TNS3: variants seen among roughly 807,000 people sequenced by gnomAD.
The protein encoded by TNS3 is tensin 3.
In TNS3, 45 loss-of-function variants were observed where a neutral mutation model predicts 140.9. That is an observed-to-expected ratio of 0.32 (90% CI 0.25 to 0.41). The LOEUF is 0.41. Ranked by LOEUF, TNS3 falls within the 10% of genes least tolerant of loss-of-function variation. TNS3 has a pLI of 1.00. For missense variants in TNS3, 1,716 were observed against 1,906.7 expected, an observed-to-expected ratio of 0.90 and a Z score of 1.86; for synonymous variants, 815 against 788.4, an observed-to-expected ratio of 1.03 and a Z score of -0.56.
At chr7:47,540,507 A>G (rs772046655) in intron 1 of TNS3, among the ~76,000 whole-genome samples, 1 of 152,192 alleles carries the variant, frequency 6.6e-6, no homozygotes, top group African/African-American at 2.4e-5. Flanking sequence ...GGCTGCTCCT[A>G]TGAGTCCATT....
At chr7:47,561,644 A>C (rs2151998983) in intron 1 of TNS3, among the ~76,000 whole-genome samples, 1 of 152,292 alleles carries the variant, frequency 6.6e-6, no homozygotes. Flanking sequence ...TTAAAATAAA[A>C]TTTGCTGAAT....
intron 4 of TNS3, among the ~76,000 whole-genome samples, chr7:47,442,283 T>C (rs1631084): frequency 0.83 from 126,698 of 152,200 alleles, 53,050 homozygotes; most frequent in Admixed American, 0.9. Flanking sequence ...GGACGGGCTT[T>C]CACAGGAGCC....
Position 47,277,633 on chromosome 7 carries a change from G to A in TNS3, c.*443C>T, listed in dbSNP as rs931065145. ...CGAGGTGAGGGAAACCCCCGGCCTC[G>A]GGTGCAGCTGGACAGAAGCGCCCAT... is the stretch of plus-strand genomic sequence containing the variant. On this transcript the variant is annotated 3_prime_UTR_variant, in exon 31 of 31. Transcript: ENST00000311160. 4 of 233,336 alleles carry A rather than the reference G, an allele frequency of 1.7e-5. No individual in the cohort carries two copies. Among genetic ancestry groups the A allele is most frequent in the East Asian group, 1.3e-4 (1 of 7,870 alleles). 14.5% of individuals were successfully genotyped at this position (233,336 alleles called of 1,614,324 possible).
chr7:47,341,298 G>C (rs928492888), intron 20 of TNS3, among the ~76,000 whole-genome samples: 2 of 152,170 alleles, frequency 1.3e-5, no homozygotes, highest in South Asian at 4.1e-4. Context: ...TTTTCTGGAA[G>C]GTATTGCGTA....
rs548858209 is a variant in TNS3 at position 47,413,908 on chromosome 7, A to ACAG, written c.647+26_647+28dup. 148 of 1,599,844 alleles carry ACAG rather than the reference A, an allele frequency of 9.3e-5. 1 individual carries two copies. The highest frequency in any genetic ancestry group is 7.1e-4 in the South Asian group (64 of 90,172). ...TTCCCTGAGCCGTCCAGGTCCCACA[A>ACAG]CAGCAGCAGCAGCAGCAGCAGCACT... On this transcript the variant is annotated intron_variant, in intron 12 of 30. Coordinates refer to ENST00000311160, the MANE Select transcript of TNS3 (RefSeq NM_022748.12).
chr7:47,375,689 C>G (rs1158427140), intron 16 of TNS3, among the ~76,000 whole-genome samples: 1 of 152,194 alleles, frequency 6.6e-6, no homozygotes, highest in African/African-American at 2.4e-5. Context: ...CCTTCCATCC[C>G]GGTTGAAAAC....
Position 47,280,166 on chromosome 7 carries a change from T to C in TNS3, c.4191A>G (p.Ser1397=). The C allele has an allele frequency of 1.2e-6, 2 of 1,614,180 alleles. No individual in the cohort carries two copies. The highest frequency in any genetic ancestry group is 1.1e-5 in the South Asian group (1 of 91,082). Residue 1397 remains serine (S), a splice_region_variant and synonymous_variant, in exon 30 of 31, where the codon TCA becomes TCG. Coordinates refer to ENST00000311160, the MANE Select transcript of TNS3 (RefSeq NM_022748.12). ...GTAAAGAAATCTCAGCAACTTACTT[T>C]GAGGAAGGGCCATCTTTGATCCACC... ...DRKWIKDGPS[S]KVFGFVARKQ...
chr7:47,284,172 G>A (rs1299615316), intron 27 of TNS3, among the ~76,000 whole-genome samples: 2 of 152,200 alleles, frequency 1.3e-5, no homozygotes, highest in Non-Finnish European at 2.9e-5. Context: ...TCGCCCTGCA[G>A]CAGTATTAAA....
chr7:47,379,718 G>C (rs762993170), intron 16 of TNS3, among the ~76,000 whole-genome samples: 1 of 152,092 alleles, frequency 6.6e-6, no homozygotes, highest in Non-Finnish European at 1.5e-5. Flanking sequence ...GTCTCACCTT[G>C]AGAGTTAACT....
In TNS3 at chr7:47,428,224, C is replaced by T. The variant is rs2151495625; in HGVS notation, c.389+88G>A. The T allele has an allele frequency of 1.6e-5, 16 of 1,009,134 alleles. No homozygotes were observed. In the South Asian group the frequency reaches 5.2e-4, roughly 33 times the overall value. The allele number at this position is 1,009,134 out of a possible 1,614,324, so 62.5% of individuals were successfully genotyped here. On this transcript the variant is annotated intron_variant, in intron 9 of 30. Coordinates refer to ENST00000311160, the MANE Select transcript of TNS3 (RefSeq NM_022748.12). ...ACAGGTCAGCCGAGCCCTTGGTATC[C>T]AGAACAGCTCCCGCGCAGACAGCCT...
At chr7:47,454,754 C>T (rs1225809956) in intron 4 of TNS3, among the ~76,000 whole-genome samples, 2 of 152,164 alleles carry the variant, frequency 1.3e-5, no homozygotes, top group Non-Finnish European at 2.9e-5. Flanking sequence ...CTGCAGGCAG[C>T]GGCCAGCCAG....
At chr7:47,518,996 A>AG (rs528981284) in intron 2 of TNS3, among the ~76,000 whole-genome samples, 1,575 of 152,338 alleles carry the variant, frequency 0.01, 18 homozygotes, top group African/African-American at 0.036. Context: ...GAAGCACTCA[A>AG]GAGCTGACAG....
chr7:47,558,737 CT>C (rs925998693), intron 1 of TNS3, among the ~76,000 whole-genome samples: 13 of 152,184 alleles, frequency 8.5e-5, no homozygotes, highest in African/African-American at 2.9e-4. Context: ...CCAGCTCTGC[CT>C]CCCCAGGGTC....
chr7:47,496,527 C>T (rs1357140740), intron 3 of TNS3, among the ~76,000 whole-genome samples: 2 of 152,158 alleles, frequency 1.3e-5, no homozygotes, highest in Admixed American at 6.5e-5. Context: ...CCAATCAGCC[C>T]GCTGCACCCC....
At chr7:47,361,952 C>A (rs1399806734) in intron 17 of TNS3, among the ~76,000 whole-genome samples, 1 of 152,118 alleles carries the variant, frequency 6.6e-6, no homozygotes, top group South Asian at 2.1e-4. Context: ...TTGCCACCCA[C>A]GGAATCATGA....
intron 16 of TNS3, among the ~76,000 whole-genome samples, chr7:47,378,855 G>T (rs762905519): frequency 6.6e-6 from 1 of 152,212 alleles, no homozygotes; most frequent in Non-Finnish European, 1.5e-5. Context: ...TCCTGGATTT[G>T]CTAGGTCAAC....
At chr7:47,442,355 C>CCCT (rs1265639231) in intron 4 of TNS3, among the ~76,000 whole-genome samples, 2 of 152,172 alleles carry the variant, frequency 1.3e-5, no homozygotes, top group Non-Finnish European at 2.9e-5. Context: ...CAGTGCCCTG[C>CCCT]CCTCCAACAC....
At chr7:47,386,888 A>C (rs1386000430) in intron 16 of TNS3, among the ~76,000 whole-genome samples, 1 of 152,260 alleles carries the variant, frequency 6.6e-6, no homozygotes, top group African/African-American at 2.4e-5. Context: ...ATATCCCTGC[A>C]ATCTGTGCTA....
Position 47,352,642 on chromosome 7 carries a change from G to A in TNS3, c.2282-6286C>T, listed in dbSNP as rs908574814. On this transcript the variant is annotated intron_variant, in intron 17 of 30. Coordinates refer to ENST00000311160, the MANE Select transcript of TNS3 (RefSeq NM_022748.12). Reference sequence around the variant, plus strand: ...CCTTTCCATCCTGGCCCCTTCTCCAGGACGAGGCCACCCATCAGCATCTCC... The same window carrying A: ...CCTTTCCATCCTGGCCCCTTCTCCAAGACGAGGCCACCCATCAGCATCTCC... Among the ~76,000 whole-genome samples the A allele has an allele frequency of 2.6e-5, 4 of 152,292 alleles. No homozygotes were observed. In the East Asian group the frequency reaches 5.8e-4, roughly 22 times the overall value.
Sources: allele counts gnomAD v4.1 joint callset (sites outside exome capture counted in the v4.1 genomes callset), GRCh38; gene constraint gnomAD v4.1.1; transcripts MANE v1.5; gene names NCBI Gene and HGNC (gene_info 2026-07-23, HGNC 2026-07-21).